The following SYT2 variants were observed in gnomAD, a reference collection of about 807,000 sequenced individuals.
SYT2 encodes synaptotagmin-2.
A neutral mutation model predicts 39.9 loss-of-function variants in SYT2; 15 were observed. The observed-to-expected ratio is 0.38, with a 90% CI of 0.25 to 0.58. The LOEUF is 0.58. Among genes scored for constraint, SYT2 ranks in the 20% least tolerant of loss-of-function variants. The pLI is 0.70. For missense variants in SYT2, 389 were observed against 530.3 expected (o/e 0.73, Z 2.62); for synonymous variants, 181 against 204.5 (o/e 0.89, Z 0.98).
chr1:202,639,457 T>C (rs1691839047), intron 1 of SYT2: 1 of 976,720 alleles, frequency 1.0e-6, no homozygotes, highest in African/African-American at 1.8e-5. Context: ...AGTTTCCCCA[T>C]AATCAAAACA....
In SYT2 at chr1:202,595,260, T is replaced by G. The variant is rs978421432; in HGVS notation, c.*1497A>C. 5.9e-5 allele frequency: 9 copies of G among 152,308 alleles called. No individual in the cohort carries two copies. The highest frequency in any genetic ancestry group is 9.6e-5 in the African/African-American group (4 of 41,468). The allele number at this position is 152,308 out of a possible 1,614,324, so 9.4% of individuals were successfully genotyped here. A position where few individuals can be genotyped will look rare whatever the true frequency, so the allele number is the denominator to read the frequency against. On this transcript the variant is annotated 3_prime_UTR_variant, in exon 9 of 9. Coordinates refer to ENST00000367268, the MANE Select transcript of SYT2 (RefSeq NM_177402.5). Reference sequence around the variant, plus strand: ...ATATATATGGCTTTTATATCAGTGCTGGGGACAAAAGGTGAACAGGGAATG... The same window carrying G: ...ATATATATGGCTTTTATATCAGTGCGGGGGACAAAAGGTGAACAGGGAATG...
At chr1:202,658,957 A>G (rs6669326) in intron 1 of SYT2, among the ~76,000 whole-genome samples, 72,265 of 151,958 alleles carry the variant, frequency 0.48, 18,109 homozygotes, top group East Asian at 0.77. Context: ...GAGCTTCTCA[A>G]TTTCCCAGTC....
At chr1:202,612,132 A>G (rs568386967) in intron 1 of SYT2, among the ~76,000 whole-genome samples, 3 of 152,378 alleles carry the variant, frequency 2.0e-5, no homozygotes, top group South Asian at 2.1e-4. Context: ...CATTTGGTAT[A>G]TAACATTTGT....
Position 202,672,296 on chromosome 1 carries a change from G to A in SYT2, c.-18+37962C>T, listed in dbSNP as rs147122170. ...CCCAGTGTGATGGTATTTGGAAGTG[G>A]GACCTTTGGGAGAGAATTAGGTTTA... On this transcript the variant is annotated intron_variant, in intron 1 of 8. Transcript: ENST00000367268. Among the ~76,000 whole-genome samples, 1,051 of 152,292 alleles carry A rather than the reference G, an allele frequency of 6.9e-3. 4 individuals carry two copies. Among genetic ancestry groups the A allele is most frequent in the Non-Finnish European group, 0.011 (740 of 68,028 alleles).
chr1:202,693,242 G>A (rs750530071), intron 1 of SYT2, among the ~76,000 whole-genome samples: 34 of 152,188 alleles, frequency 2.2e-4, no homozygotes, highest in Non-Finnish European at 4.4e-4. Flanking sequence ...TGCTACGGAG[G>A]ATTCAGGGGC....
chr1:202,689,624 T>C (rs1653768400), intron 1 of SYT2, among the ~76,000 whole-genome samples: 3 of 152,254 alleles, frequency 2.0e-5, no homozygotes, highest in South Asian at 2.1e-4. Flanking sequence ...ACTAAGGTTG[T>C]TCTACAGAGT....
At chr1:202,697,802 T>C (rs187780763) in intron 1 of SYT2, among the ~76,000 whole-genome samples, 39 of 152,370 alleles carry the variant, frequency 2.6e-4, no homozygotes, top group Admixed American at 1.6e-3. Flanking sequence ...CTTGAATGTA[T>C]ACCATTTTTA....
chr1:202,619,799 G>A (rs1691156204), intron 1 of SYT2, among the ~76,000 whole-genome samples: 1 of 152,242 alleles, frequency 6.6e-6, no homozygotes, highest in Admixed American at 6.5e-5. Flanking sequence ...GAGCAGGGCA[G>A]GCAGGAGGAC....
intron 1 of SYT2, among the ~76,000 whole-genome samples, chr1:202,650,137 G>A (rs917263950): frequency 6.6e-6 from 1 of 152,242 alleles, no homozygotes; most frequent in African/African-American, 2.4e-5. Context: ...TGGGCTCAGA[G>A]GATCTTCCCA....
intron 1 of SYT2, among the ~76,000 whole-genome samples, chr1:202,615,013 A>G (rs868053803): frequency 6.6e-6 from 1 of 152,218 alleles, no homozygotes; most frequent in Non-Finnish European, 1.5e-5. Flanking sequence ...TCGTGAGTAA[A>G]AAGACTAGGG....
chr1:202,682,408 C>T (rs1340941215), intron 1 of SYT2, among the ~76,000 whole-genome samples: 2 of 152,172 alleles, frequency 1.3e-5, no homozygotes, highest in Non-Finnish European at 2.9e-5. Context: ...AGAAAGGTGT[C>T]ACAAGGCAGA....
In SYT2 at chr1:202,695,924, A is replaced by T. The variant is rs186491639; in HGVS notation, c.-18+14334T>A. ...TGTGCACTCCTCCATTTGTGATACCACGGTCCCGACTCTGGGCTTGTTCTT... is the reference window on the plus strand; with the variant it reads ...TGTGCACTCCTCCATTTGTGATACCTCGGTCCCGACTCTGGGCTTGTTCTT... On this transcript the variant is annotated intron_variant, in intron 1 of 8. Coordinates refer to ENST00000367268, the MANE Select transcript of SYT2 (RefSeq NM_177402.5). 5.2e-3 allele frequency among the ~76,000 whole-genome samples: 796 copies of T among 152,294 alleles called. 9 individuals are homozygous for T. The highest frequency in any genetic ancestry group is 0.018 in the African/African-American group (763 of 41,560).
At chr1:202,709,576 TG>T (rs1572692319) in intron 1 of SYT2, among the ~76,000 whole-genome samples, 1 of 152,190 alleles carries the variant, frequency 6.6e-6, no homozygotes, top group Admixed American at 6.5e-5. Flanking sequence ...GCCTAGCCCT[TG>T]GGGACAGAGC....
intron 2 of SYT2, 36 bp downstream of exon 2, chr1:202,605,559 C>G: frequency 6.3e-7 from 1 of 1,597,172 alleles, no homozygotes; most frequent in South Asian, 1.1e-5. Context: ...CAGACTCTAG[C>G]CTTGCCCCAC....
At chr1:202,622,973 A>G (rs554615766) in intron 1 of SYT2, among the ~76,000 whole-genome samples, 1 of 152,264 alleles carries the variant, frequency 6.6e-6, no homozygotes, top group South Asian at 2.1e-4. Context: ...ACACCGCTAA[A>G]TGGTGGCAGC....
At chr1:202,629,872 G>T (rs1230434764) in intron 1 of SYT2, among the ~76,000 whole-genome samples, 2 of 125,284 alleles carry the variant, frequency 1.6e-5, no homozygotes, top group Non-Finnish European at 3.6e-5. Context: ...GCTGGTGGGG[G>T]GGGGGGGGTG....
In SYT2 at chr1:202,630,894, G is replaced by A. The variant is rs567137238; in HGVS notation, c.-17-25105C>T. 2.3e-4 allele frequency among the ~76,000 whole-genome samples: 35 copies of A among 152,348 alleles called. No individual in the cohort carries two copies. The South Asian group carries it at 5.8e-3, about 25-fold the overall frequency. ...TCTGGGCCAGAGGAGAGGTGGAATG[G>A]AAGTGGGCAGAGGACTGTCCCCTTC... On this transcript the variant is annotated intron_variant, in intron 1 of 8. Coordinates refer to ENST00000367268, the MANE Select transcript of SYT2 (RefSeq NM_177402.5).
rs1051977937 is a variant in SYT2, at chr1:202,593,231, G to A, written c.*3526C>T. On this transcript the variant is annotated 3_prime_UTR_variant, in exon 9 of 9. Coordinates refer to ENST00000367268, the MANE Select transcript of SYT2 (RefSeq NM_177402.5). ...CTCTGTGAGGCTGGGTGAGACCCAG[G>A]ACTCAGATGCCTTATGAATTAACCT... is the stretch of plus-strand genomic sequence containing the variant. 6.6e-6 allele frequency: 1 copy of A among 152,234 alleles called. No individual in the cohort carries two copies. Among genetic ancestry groups the A allele is most frequent in the Non-Finnish European group, 1.5e-5 (1 of 68,058 alleles). 9.4% of individuals were successfully genotyped at this position (152,234 alleles called of 1,614,324 possible).
intron 1 of SYT2, among the ~76,000 whole-genome samples, chr1:202,625,156 T>G (rs1235725608): frequency 5.2e-4 from 3 of 5,786 alleles, no homozygotes; most frequent in Non-Finnish European, 4.0e-4. Flanking sequence ...GGGTGTGTGG[T>G]GTGTCTGTGT....
Sources: allele counts gnomAD v4.1 joint callset (sites outside exome capture counted in the v4.1 genomes callset), GRCh38; gene constraint gnomAD v4.1.1; transcripts MANE v1.5; gene names NCBI Gene and HGNC (gene_info 2026-07-23, HGNC 2026-07-21).